Variants in DDX5 observed in about 807,000 individuals in gnomAD.
DDX5 encodes probable ATP-dependent RNA helicase DDX5.
Under a neutral mutation model 68.6 loss-of-function variants are expected in DDX5, and 6 were observed. The observed-to-expected ratio is 0.09, with a 90% CI of 0.05 to 0.17. The LOEUF (loss-of-function observed/expected upper bound fraction) is 0.17, where lower values mean the gene tolerates loss of function less well. DDX5 is among the 10% of genes least tolerant of loss of function. The pLI, the probability that DDX5 is intolerant of heterozygous loss-of-function variation, is 1.00. For missense variants in DDX5, 499 were observed against 756.1 expected (o/e 0.66, Z 3.99); for synonymous variants, 350 against 247.0 (o/e 1.42, Z -3.91).
chr17:64,506,026 C>A, intron 1 of DDX5, 50 bp downstream of exon 1: 2 of 1,518,094 alleles, frequency 1.3e-6, no homozygotes, highest in South Asian at 2.4e-5. Flanking sequence ...CCTGACCCGC[C>A]CTCCCATCCC....
In DDX5 at chr17:64,498,535, T is replaced by C. The variant is rs1298463765; in HGVS notation, c.*1388A>G. Among the ~76,000 whole-genome samples, 1 of 152,222 alleles carries C rather than the reference T, an allele frequency of 6.6e-6. No individual in the cohort carries two copies. Among genetic ancestry groups the C allele is most frequent in the Non-Finnish European group, 1.5e-5 (1 of 68,040 alleles). On this transcript the variant is annotated 3_prime_UTR_variant, in exon 13 of 13. Coordinates refer to ENST00000225792, the MANE Select transcript of DDX5 (RefSeq NM_004396.5). The stretch of plus-strand genomic sequence containing the variant: ...TGCCATTGAAAACCATCCAGGTTAC[T>C]ACAGGCTGAATTAGTTTTCAATGTC...
rs2038211429 is a variant in DDX5 at position 64,498,530 on chromosome 17, G to A, written c.*1393C>T. On this transcript the variant is annotated 3_prime_UTR_variant, in exon 13 of 13. Transcript: ENST00000225792. ...AACCATGCCATTGAAAACCATCCAG[G>A]TTACTACAGGCTGAATTAGTTTTCA... is the stretch of plus-strand genomic sequence containing the variant. 6.6e-6 allele frequency among the ~76,000 whole-genome samples: 1 copy of A among 152,156 alleles called. No homozygotes were observed. The highest frequency in any genetic ancestry group is 6.5e-5 in the Admixed American group (1 of 15,278).
chr17:64,501,804 C>T (rs980938772), intron 11 of DDX5: 15 of 597,440 alleles, frequency 2.5e-5, no homozygotes, highest in South Asian at 6.3e-5. Context: ...CCTCTCTAAT[C>T]GACTGGAAGC....
rs940649000 is a variant in DDX5 at position 64,504,845 on chromosome 17, G to A, written c.45-3C>T. 3 of 1,585,640 alleles carry A rather than the reference G, an allele frequency of 1.9e-6. No homozygotes were observed. The highest frequency in any genetic ancestry group is 2.6e-6 in the Non-Finnish European group (3 of 1,171,898). ...CTCCAAATCGAGGTGCACCAAACCT[G>A]GAATGAAAAAAAACGTTATTCACAT... On this transcript the variant is annotated splice_polypyrimidine_tract_variant and splice_region_variant and intron_variant, in intron 1 of 12. Coordinates refer to ENST00000225792, the MANE Select transcript of DDX5 (RefSeq NM_004396.5).
chr17:64,502,934 CT>C lies in DDX5; in HGVS notation c.974del (p.Lys325ArgfsTer8). ...QIVDVCHDVE[K>X]DEKLIRLMEE... is the part of the protein sequence containing the mutation. ...GAGTTAATAAAACTTACTTTTCATC[CT>C]TTTCTACGTCATGACACACATCCAC... On this transcript the variant is annotated frameshift_variant, in exon 8 of 13. Coordinates refer to ENST00000225792, the MANE Select transcript of DDX5 (RefSeq NM_004396.5). LOFTEE classifies it high-confidence loss of function. 1 of 1,584,602 alleles carries C rather than the reference CT, an allele frequency of 6.3e-7. No individual in the cohort carries two copies.
At chr17:64,505,575 G>T in intron 1 of DDX5, 1 of 714,836 alleles carries the variant, frequency 1.4e-6, no homozygotes, top group East Asian at 2.7e-5. Context: ...GCCGGGCGGG[G>T]TAACAAAGGC....
intron 1 of DDX5, chr17:64,505,048 A>T: frequency 2.2e-6 from 1 of 457,134 alleles, no homozygotes; most frequent in South Asian, 4.9e-5. Context: ...TACTTAGGTC[A>T]TGTAAACAGC....
chr17:64,502,238 A>G lies in DDX5; in HGVS notation c.1095-15T>C. 6.2e-7 allele frequency: 1 copy of G among 1,613,604 alleles called. No individual in the cohort carries two copies. The highest frequency in any genetic ancestry group is 8.5e-7 in the Non-Finnish European group (1 of 1,179,896). ...TGGCAGGCCACCTAAGTTAAAAGACAAGTTGTGTTATTAAACTCACATTGA... is the reference window on the plus strand; with the variant it reads ...TGGCAGGCCACCTAAGTTAAAAGACGAGTTGTGTTATTAAACTCACATTGA... On this transcript the variant is annotated splice_polypyrimidine_tract_variant and intron_variant, in intron 9 of 12. Transcript: ENST00000225792.
chr17:64,500,580 C>A lies in DDX5; in HGVS notation c.1410G>T (p.Lys470Asn). The A allele has an allele frequency of 6.2e-7, 1 of 1,614,146 alleles. No individual in the cohort carries two copies. Among genetic ancestry groups the A allele is most frequent in the Non-Finnish European group, 8.5e-7 (1 of 1,179,990 alleles). The change falls in exon 12 of 13, where the codon AAG becomes AAT. Residue 470 changes from lysine (K) to asparagine (N), a missense_variant. Physicochemically the swap from Lys to Asn is moderately conservative, Grantham distance 94 (BLOSUM62 0). Around this residue, in one of 5 missense-constraint regions of DDX5, gnomAD observed 21 missense variants for 37.6 expected, o/e 0.56. Coordinates refer to ENST00000225792, the MANE Select transcript of DDX5 (RefSeq NM_004396.5). ...CTCTGTCTTCGACCAACTGAAGCAA[C>A]TTGGGATTAATTGCTTGATTAGCTT... ...LREANQAINP[K>N]LLQLVEDRGS... is the part of the protein sequence containing the mutation.
rs1452674546 is a variant in DDX5, at chr17:64,506,262, A to T, written c.-143T>A. ...CGATGACACCAGCCGAAGCTGCACTACTAGAGACCGGTAGAAATGAATGAG... is the reference window on the plus strand; with the variant it reads ...CGATGACACCAGCCGAAGCTGCACTTCTAGAGACCGGTAGAAATGAATGAG... On this transcript the variant is annotated 5_prime_UTR_variant, in exon 1 of 13. Transcript: ENST00000225792. 1.9e-6 allele frequency: 3 copies of T among 1,541,452 alleles called. No homozygotes were observed. Among genetic ancestry groups the T allele is most frequent in the African/African-American group, 1.4e-5 (1 of 72,946 alleles).
In DDX5 at chr17:64,502,919, A is replaced by T. The variant is rs782740618; in HGVS notation, c.983+7T>A. 2 of 1,574,282 alleles carry T rather than the reference A, an allele frequency of 1.3e-6. No individual in the cohort carries two copies. The highest frequency in any genetic ancestry group is 2.3e-5 in the South Asian group (2 of 86,098). On this transcript the variant is annotated splice_region_variant and intron_variant, in intron 8 of 12. Transcript: ENST00000225792. ...GAAGCAAATATAACAGAGTTAATAA[A>T]ACTTACTTTTCATCCTTTTCTACGT...
At chr17:64,506,626 G>T, upstream of DDX5, 1 of 380,404 alleles carries the variant, frequency 2.6e-6, no homozygotes, top group East Asian at 4.9e-5. Flanking sequence ...CCTCACGTCT[G>T]TAACCAAAAG....
intron 8 of DDX5, 121 bp downstream of exon 8, chr17:64,502,805 T>G (rs538581379): frequency 2.0e-6 from 2 of 1,020,432 alleles, no homozygotes; most frequent in South Asian, 3.5e-5. Context: ...TCAGGATTAG[T>G]AGGCTAACTA....
chr17:64,502,343 T>C, intron 9 of DDX5, 96 bp downstream of exon 9: 2 of 1,451,650 alleles, frequency 1.4e-6, no homozygotes, highest in Non-Finnish European at 1.9e-6. Context: ...TTAAATTCAC[T>C]ATCAGATATG....
At position 64,502,447 on chromosome 17, in the gene DDX5, C is replaced by T; in HGVS notation, c.1086G>A (p.Arg362=). The T allele has an allele frequency of 1.2e-6, 2 of 1,611,582 alleles. No homozygotes were observed. The highest frequency in any genetic ancestry group is 1.7e-6 in the Non-Finnish European group (2 of 1,177,818). The change falls in exon 9 of 13, where the codon AGG becomes AGA. Residue 362 remains arginine, a synonymous_variant. Transcript: ENST00000225792. ...RRCDELTRKM[R]RDGWPAMGIH... ...GAGGAGCTCACACATACCCATCTCT[C>T]CTCATTTTTCTGGTAAGCTCATCAC...
Position 64,500,213 on chromosome 17 carries a change from A to C in DDX5, c.1555T>G (p.Ser519Ala), listed in dbSNP as rs147929936. 1.2e-6 allele frequency: 2 copies of C among 1,614,202 alleles called. No individual in the cohort carries two copies. The highest frequency in any genetic ancestry group is 1.7e-6 in the Non-Finnish European group (2 of 1,180,030). ...RDRENYDRGY[S>A]SLLKRDFGAK... ...CCAAAATCTCTTTTAAGCAGGCTAG[A>C]GTAACCTCTGTCATAATTTTCCCTG... The change falls in exon 13 of 13, where the codon TCT becomes GCT. Residue 519 changes from serine to alanine, a missense_variant. Physicochemically the swap from Ser to Ala is moderately conservative, Grantham distance 99. Transcript: ENST00000225792.
At chr17:64,505,856 C>G (rs566114785) in intron 1 of DDX5, 1 of 1,536,086 alleles carries the variant, frequency 6.5e-7, no homozygotes, top group East Asian at 2.4e-5. Flanking sequence ...GACAGCTCCC[C>G]AATCCCCACA....
intron 1 of DDX5, chr17:64,505,485 C>T (rs1416404060): frequency 3.5e-6 from 2 of 579,558 alleles, no homozygotes; most frequent in African/African-American, 1.9e-5. Context: ...GCGGCGTTCC[C>T]GCTGGGGCGG....
chr17:64,505,422 G>A (rs1231688389), intron 1 of DDX5: 8 of 544,414 alleles, frequency 1.5e-5, no homozygotes, highest in African/African-American at 7.6e-5. Flanking sequence ...AAAAGAAAAG[G>A]AGGAGCCGGC....
Sources: gnomAD v4.1 joint callset for allele counts (sites outside exome capture counted in the v4.1 genomes callset) on GRCh38, gnomAD v4.1.1 for gene constraint, gnomAD v4.1.1 regional missense constraint, MANE v1.5 for transcripts, NCBI Gene and HGNC (gene_info 2026-07-23, HGNC 2026-07-21) for gene names.